NAV2: variants seen among roughly 807,000 people sequenced by gnomAD.
NAV2 encodes neuron navigator 2.
A neutral mutation model predicts 223.2 loss-of-function variants in NAV2; 54 were observed. The observed-to-expected ratio is 0.24, with a 90% CI of 0.19 to 0.30. The LOEUF is 0.30. NAV2 is among the 10% of genes least tolerant of loss of function. The pLI is 1.00. For missense variants in NAV2, 2,806 were observed against 3,147.5 expected (o/e 0.89, Z 2.60); for synonymous variants, 1,279 against 1,239.3 (o/e 1.03, Z -0.67).
intron 1 of NAV2, among the ~76,000 whole-genome samples, chr11:19,440,292 G>A (rs965836537): frequency 6.6e-6 from 1 of 152,144 alleles, no homozygotes; most frequent in Non-Finnish European, 1.5e-5. Flanking sequence ...TCAGTCTTGG[G>A]TCTAGTGAGG....
At chr11:19,619,005 G>A (rs1378503005) in intron 1 of NAV2, among the ~76,000 whole-genome samples, 4 of 8,088 alleles carry the variant, frequency 4.9e-4, no homozygotes, top group African/African-American at 1.7e-3. Flanking sequence ...GAGAACATGC[G>A]GTGTTTGGTT....
intron 1 of NAV2, among the ~76,000 whole-genome samples, chr11:19,502,021 CT>C (rs1278673003): frequency 1.3e-5 from 2 of 152,068 alleles, no homozygotes; most frequent in African/African-American, 4.8e-5. Context: ...GTCTTGAGAC[CT>C]TTTAGAAATT....
At chr11:19,945,195 CCCTTCCCTTTCTTTCCTTT>C (rs1168329421) in intron 8 of NAV2, among the ~76,000 whole-genome samples, 2 of 81,220 alleles carry the variant, frequency 2.5e-5, no homozygotes, top group Non-Finnish European at 4.9e-5. Flanking sequence ...CCCTTCCCTT[CCCTTCCCTTTCTTTCCTTT>C]CCTTCCTTCT....
chr11:19,860,004 C>CTCA (rs2061626897), intron 3 of NAV2, among the ~76,000 whole-genome samples: 1 of 124,728 alleles, frequency 8.0e-6, no homozygotes, highest in African/African-American at 3.0e-5. Context: ...GGCTGACCCC[C>CTCA]CCTCCCTCCC....
Position 20,045,378 on chromosome 11 carries a change from G to A in NAV2, c.3610G>A (p.Gly1204Arg), listed in dbSNP as rs895534359. The change falls in exon 14 of 38, where the codon GGG becomes AGG. Residue 1204 changes from glycine (G) to arginine (R), a missense_variant. By Grantham distance (125) the Gly-to-Arg change is moderately radical. Coordinates refer to ENST00000349880, the MANE Select transcript of NAV2 (RefSeq NM_145117.5). Reference protein sequence around the residue: ...PRPSKSNSRNGAGNRSSTSSI... With the variant: ...PRPSKSNSRNRAGNRSSTSSI... ...GCCCAGTAAGTCCAACAGCCGGAAC[G>A]GGGCTGGGAACAGGTCTAGCACCAG... 5.6e-6 allele frequency: 9 copies of A among 1,614,014 alleles called. No homozygotes were observed. In the African/African-American group the frequency reaches 8.0e-5, roughly 14 times the overall value.
At chr11:19,989,160 A>G (rs2051087029) in intron 11 of NAV2, among the ~76,000 whole-genome samples, 1 of 152,214 alleles carries the variant, frequency 6.6e-6, no homozygotes, top group Non-Finnish European at 1.5e-5. Context: ...GGATATGTTA[A>G]GTTTCATGGC....
At chr11:20,024,236 AG>A (rs2054820800) in intron 11 of NAV2, among the ~76,000 whole-genome samples, 1 of 152,196 alleles carries the variant, frequency 6.6e-6, no homozygotes, top group Non-Finnish European at 1.5e-5. Flanking sequence ...TGGAAGGAAG[AG>A]GGCTGTGTAT....
intron 22 of NAV2, among the ~76,000 whole-genome samples, chr11:20,068,829 G>T (rs1230109348): frequency 6.6e-6 from 1 of 152,162 alleles, no homozygotes. Context: ...TGATATACAC[G>T]ATTATGAGTT....
rs554656401 is a variant in NAV2 at position 19,354,559 on chromosome 11, C to T, written c.75+3532C>T. Among the ~76,000 whole-genome samples the T allele has an allele frequency of 2.0e-5, 3 of 152,220 alleles. No individual in the cohort carries two copies. The East Asian group carries it at 5.8e-4, about 29-fold the overall frequency. On this transcript the variant is annotated intron_variant, in intron 1 of 37. Coordinates refer to the NAV2 transcript ENST00000360655. ...TGGTGTAGTGAGTGAGAGAGGTATA[C>T]ATTTCATATTTATGATTATTCTTGA...
At chr11:19,363,246 C>T (rs565851512) in intron 1 of NAV2, among the ~76,000 whole-genome samples, 84 of 152,234 alleles carry the variant, frequency 5.5e-4, no homozygotes, top group Admixed American at 4.2e-3. Flanking sequence ...GCTTTCTGTT[C>T]CTGTGTTAGG....
chr11:19,940,822 A>G (rs2046340556), intron 8 of NAV2, among the ~76,000 whole-genome samples: 1 of 152,214 alleles, frequency 6.6e-6, no homozygotes, highest in African/African-American at 2.4e-5. Context: ...TAAGCAGTCC[A>G]TCTTAGAATG....
At chr11:19,347,431 C>A (rs1853068184), upstream of NAV2, among the ~76,000 whole-genome samples, 1 of 152,176 alleles carries the variant, frequency 6.6e-6, no homozygotes, top group Non-Finnish European at 1.5e-5. Context: ...CCTCCCACCC[C>A]CGGGGTGGTT....
At chr11:20,056,389 G>A in intron 19 of NAV2, 1 of 669,728 alleles carries the variant, frequency 1.5e-6, no homozygotes, top group Non-Finnish European at 2.7e-6. Flanking sequence ...ACGCCTTTCT[G>A]CTCTGCTCCA....
intron 1 of NAV2, among the ~76,000 whole-genome samples, chr11:19,781,912 A>G (rs2056778290): frequency 6.6e-6 from 1 of 152,210 alleles, no homozygotes; most frequent in Non-Finnish European, 1.5e-5. Context: ...AGCTTGCTTC[A>G]GCTCTTTACA....
chr11:19,786,042 C>CA (rs2057090628), intron 1 of NAV2, among the ~76,000 whole-genome samples: 1 of 150,920 alleles, frequency 6.6e-6, no homozygotes, highest in African/African-American at 2.4e-5. Context: ...CCAAGTTGGT[C>CA]AAAAAAGAAA....
At chr11:19,607,977 T>A (rs376046831) in intron 1 of NAV2, among the ~76,000 whole-genome samples, 1 of 152,222 alleles carries the variant, frequency 6.6e-6, no homozygotes, top group East Asian at 1.9e-4. Flanking sequence ...ATCCAGGGAC[T>A]GTGCTGTGCA....
intron 1 of NAV2, among the ~76,000 whole-genome samples, chr11:19,690,329 C>T (rs1330207671): frequency 1.3e-5 from 2 of 152,198 alleles, no homozygotes; most frequent in Admixed American, 1.3e-4. Flanking sequence ...TTTTAGGTCA[C>T]TCCTCTCCTC....
intron 5 of NAV2, among the ~76,000 whole-genome samples, chr11:19,883,398 C>G (rs185378474): frequency 2.2e-4 from 34 of 152,296 alleles, no homozygotes; most frequent in African/African-American, 7.5e-4. Flanking sequence ...AGAACTTAAT[C>G]CACATTTCAC....
chr11:19,877,541 T>C (rs1351843718), intron 4 of NAV2, among the ~76,000 whole-genome samples: 3 of 142,504 alleles, frequency 2.1e-5, no homozygotes, highest in African/African-American at 5.4e-5. Flanking sequence ...GGCGTGATCT[T>C]GGCTCACTGC....
Sources: gnomAD v4.1 joint callset for allele counts (sites outside exome capture counted in the v4.1 genomes callset) on GRCh38, gnomAD v4.1.1 for gene constraint, MANE v1.5 for transcripts, NCBI Gene and HGNC (gene_info 2026-07-23, HGNC 2026-07-21) for gene names.